The following VPS35L variants were observed in gnomAD, a reference collection of about 807,000 sequenced individuals.
The protein encoded by VPS35L is VPS35 endosomal protein-sorting factor-like.
VPS35L carries 83 observed loss-of-function variants against 133.0 expected under a neutral mutation model. The ratio of observed to expected loss-of-function variants is 0.62; its 90% CI spans 0.52 to 0.75. VPS35L has a LOEUF of 0.75. Ranked by LOEUF, VPS35L falls within the 30% of genes least tolerant of loss-of-function variation. The pLI is 0.00. For missense variants in VPS35L, 1,083 were observed against 1,206.8 expected, an observed-to-expected ratio of 0.90 and a Z score of 1.52; for synonymous variants, 423 against 449.9, an observed-to-expected ratio of 0.94 and a Z score of 0.76.
At chr16:19,574,600 CTTT>C (rs541596928) in intron 4 of VPS35L, among the ~76,000 whole-genome samples, 13 of 145,412 alleles carry the variant, frequency 8.9e-5, no homozygotes, top group African/African-American at 3.0e-4. Context: ...TAAATTGAGT[CTTT>C]TTTTTTTTTA....
intron 26 of VPS35L, among the ~76,000 whole-genome samples, chr16:19,665,076 C>G (rs1974619429): frequency 6.6e-6 from 1 of 151,986 alleles, no homozygotes; most frequent in Admixed American, 6.6e-5. Flanking sequence ...TATATATTTA[C>G]AAGGTACATG....
intron 4 of VPS35L, 42 bp downstream of exon 4, chr16:19,573,283 A>G (rs755417874): frequency 1.9e-6 from 3 of 1,579,152 alleles, no homozygotes; most frequent in South Asian, 1.2e-5. Context: ...CTTTGGAGTT[A>G]GTAGTAATTT....
chr16:19,668,107 G>A (rs1377613850), intron 26 of VPS35L, among the ~76,000 whole-genome samples: 1 of 152,110 alleles, frequency 6.6e-6, no homozygotes, highest in Non-Finnish European at 1.5e-5. Flanking sequence ...TTTCTTCCCA[G>A]GAAAGTGAGC....
At position 19,639,448 on chromosome 16, in the gene VPS35L, C is replaced by T. The variant is rs1973719214; in HGVS notation, c.1699-567C>T. Among the ~76,000 whole-genome samples the T allele has an allele frequency of 6.6e-6, 1 of 152,206 alleles. No individual in the cohort carries two copies. Among genetic ancestry groups the T allele is most frequent in the South Asian group, 2.1e-4 (1 of 4,834 alleles). ...TGGTCATCAAAGGTTGCCTGGATGG[C>T]TCACCAAAATGTTAACTGGTCCCAG... On this transcript the variant is annotated intron_variant, in intron 20 of 30. Transcript: ENST00000417362. This position sits in a 1 kb window ranked among gnomAD's most constrained non-coding sequence, Gnocchi z 4.1.
intron 17 of VPS35L, 44 bp downstream of exon 17, chr16:19,628,797 A>G: frequency 1.1e-6 from 1 of 889,938 alleles, no homozygotes; most frequent in Non-Finnish European, 1.5e-6. Flanking sequence ...TTATTTATTT[A>G]TTTATTTATT....
intron 23 of VPS35L, 122 bp downstream of exon 23, chr16:19,645,071 G>T: frequency 5.0e-5 from 25 of 501,614 alleles, no homozygotes; most frequent in East Asian, 1.3e-4. Context: ...GAGATAAAAT[G>T]AAATTAGAAA....
intron 1 of VPS35L, among the ~76,000 whole-genome samples, chr16:19,562,732 A>G (rs1971065979): frequency 6.6e-6 from 1 of 151,296 alleles, no homozygotes; most frequent in Non-Finnish European, 1.5e-5. Flanking sequence ...CCTTCCCCCC[A>G]CTCCTGTGTT....
intron 26 of VPS35L, among the ~76,000 whole-genome samples, chr16:19,661,026 C>A (rs1252841238): frequency 6.6e-6 from 1 of 150,958 alleles, no homozygotes; most frequent in Non-Finnish European, 1.5e-5. Context: ...CTCTGCCTCT[C>A]TATTCTCCTT....
At position 19,682,400 on chromosome 16, in the gene VPS35L, C is replaced by T. The variant is rs767203254; in HGVS notation, c.2527+10C>T. ...TACCACATAGACAAAGGTAGCAGAG[C>T]CTCCCCCACCAAACCATGCTCCGCA... On this transcript the variant is annotated intron_variant, in intron 28 of 30. Transcript: ENST00000417362. The T allele has an allele frequency of 6.2e-6, 10 of 1,612,312 alleles. No homozygotes were observed. The South Asian group carries it at 1.1e-4, about 18-fold the overall frequency.
chr16:19,662,408 G>A (rs773010056), intron 26 of VPS35L, among the ~76,000 whole-genome samples: 8 of 152,096 alleles, frequency 5.3e-5, no homozygotes, highest in Non-Finnish European at 8.8e-5. Flanking sequence ...ACCCAGTGAC[G>A]GATAAAAGAC....
intron 8 of VPS35L, among the ~76,000 whole-genome samples, chr16:19,596,559 G>C (rs1183803213): frequency 6.6e-6 from 1 of 151,842 alleles, no homozygotes; most frequent in Non-Finnish European, 1.5e-5. Flanking sequence ...ATAGGCATGA[G>C]TCACTGCACC....
At chr16:19,689,992 A>C (rs561497471) in intron 28 of VPS35L, among the ~76,000 whole-genome samples, 1 of 152,236 alleles carries the variant, frequency 6.6e-6, no homozygotes, top group East Asian at 1.9e-4. Context: ...AGCTCATTGC[A>C]GCCACCTACT....
chr16:19,646,283 T>C (rs145938898), intron 23 of VPS35L, among the ~76,000 whole-genome samples: 1 of 152,244 alleles, frequency 6.6e-6, no homozygotes, highest in Non-Finnish European at 1.5e-5. Flanking sequence ...CTGTTCTCAG[T>C]CAGTGATTCC....
intron 28 of VPS35L, among the ~76,000 whole-genome samples, chr16:19,683,623 C>A (rs1975362175): frequency 1.3e-5 from 2 of 152,186 alleles, no homozygotes; most frequent in African/African-American, 4.8e-5. Context: ...GCCACAAAGG[C>A]CATGATTTCA....
chr16:19,611,795 T>C (rs1227646457), intron 12 of VPS35L: 2 of 152,088 alleles, frequency 1.3e-5, no homozygotes, highest in East Asian at 1.9e-4. Flanking sequence ...TCCAGAGATA[T>C]CAGGTGTGTT....
At chr16:19,667,335 C>T (rs1420127306) in intron 26 of VPS35L, among the ~76,000 whole-genome samples, 6 of 152,144 alleles carry the variant, frequency 3.9e-5, no homozygotes, top group Non-Finnish European at 8.8e-5. Context: ...GTTTCTCTAT[C>T]AGAACGGACA....
intron 14 of VPS35L, chr16:19,618,148 T>C (rs1179869141): frequency 6.7e-6 from 1 of 150,258 alleles, no homozygotes; most frequent in East Asian, 1.9e-4. Context: ...TATTTGATCA[T>C]TGAAAAGTAA....
Position 19,637,653 on chromosome 16 carries a change from A to C in VPS35L, c.1695A>C (p.Ser565=). The C allele has an allele frequency of 6.4e-7, 1 of 1,570,284 alleles. No homozygotes were observed. The highest frequency in any genetic ancestry group is 8.7e-7 in the Non-Finnish European group (1 of 1,151,128). The change falls in exon 20 of 31, where the codon TCA becomes TCC. Residue 565 remains serine, a synonymous_variant. Transcript: ENST00000417362. ...TCCATGACTTCTCAGTTCTTTTCTC[A>C]GTGGTAAGTAGGATTTCTTAATTAT... ...AHFHDFSVLF[S]VEKFLPFLDM... is the part of the protein sequence containing the mutation.
chr16:19,624,625 A>G (rs1197124447), intron 14 of VPS35L, among the ~76,000 whole-genome samples: 1 of 151,668 alleles, frequency 6.6e-6, no homozygotes, highest in Non-Finnish European at 1.5e-5. Flanking sequence ...AAAAATACTT[A>G]TGTAGAGATG....
Sources: allele counts gnomAD v4.1 joint callset (sites outside exome capture counted in the v4.1 genomes callset), GRCh38; gene constraint gnomAD v4.1.1; non-coding constraint Gnocchi (gnomAD v3.1); transcripts MANE v1.5; gene names NCBI Gene and HGNC (gene_info 2026-07-23, HGNC 2026-07-21).